CNTNAP2: variants seen among roughly 807,000 people sequenced by gnomAD.
CNTNAP2 encodes contactin associated protein 2.
CNTNAP2 carries 98 observed loss-of-function variants against 155.2 expected under a neutral mutation model. The ratio of observed to expected loss-of-function variants is 0.63; its 90% CI spans 0.54 to 0.75. The LOEUF (loss-of-function observed/expected upper bound fraction) is 0.75. Among genes scored for constraint, CNTNAP2 ranks in the 30% least tolerant of loss-of-function variants. The probability of loss-of-function intolerance (pLI) is 0.00; values close to 1 mark genes in which losing one functional copy is unlikely to be tolerated. For missense variants in CNTNAP2, 1,727 were observed against 1,688.1 expected (o/e 1.02, Z -0.40); for synonymous variants, 651 against 631.2 (o/e 1.03, Z -0.47).
In CNTNAP2 at chr7:147,134,137, C is replaced by T. The variant is rs868551303; in HGVS notation, c.1348+1628C>T. On this transcript the variant is annotated intron_variant, in intron 8 of 23. Transcript: ENST00000361727. ...TCTCCTTGCAGTCTCTGAGCAAATCCGATTTGCTGGTGGGTTTCCATGTAA... is the reference window on the plus strand; with the variant it reads ...TCTCCTTGCAGTCTCTGAGCAAATCTGATTTGCTGGTGGGTTTCCATGTAA... Among the ~76,000 whole-genome samples the T allele has an allele frequency of 3.3e-5, 5 of 151,968 alleles. No homozygotes were observed. The South Asian group carries it at 6.3e-4, about 19-fold the overall frequency.
intron 17 of CNTNAP2, among the ~76,000 whole-genome samples, chr7:148,150,800 G>A (rs1261810876): frequency 1.3e-5 from 2 of 152,036 alleles, no homozygotes; most frequent in Non-Finnish European, 2.9e-5. Context: ...CTGGAGTACA[G>A]TGGCATGATC....
At chr7:147,220,749 C>T (rs567559703) in intron 8 of CNTNAP2, among the ~76,000 whole-genome samples, 1 of 152,092 alleles carries the variant, frequency 6.6e-6, no homozygotes, top group Non-Finnish European at 1.5e-5. Context: ...GAGTCTCACT[C>T]TCTTGCCCAG....
chr7:146,888,126 C>G (rs1451059590), intron 3 of CNTNAP2, among the ~76,000 whole-genome samples: 4 of 152,072 alleles, frequency 2.6e-5, no homozygotes, highest in African/African-American at 4.8e-5. Context: ...CCTCTTCTTA[C>G]TCAAACAGAG....
intron 9 of CNTNAP2, among the ~76,000 whole-genome samples, chr7:147,366,139 C>T (rs576638779): frequency 5.9e-5 from 9 of 152,208 alleles, no homozygotes; most frequent in East Asian, 5.8e-4. Context: ...GCTATTCAGG[C>T]GTGCTGTTCT....
At chr7:147,080,029 T>C (rs1003801915) in intron 4 of CNTNAP2, among the ~76,000 whole-genome samples, 4 of 146,908 alleles carry the variant, frequency 2.7e-5, no homozygotes, top group African/African-American at 1.0e-4. Flanking sequence ...CATAGCCATA[T>C]GCTCTCTTAT....
intron 21 of CNTNAP2, among the ~76,000 whole-genome samples, chr7:148,337,561 T>G (rs543631934): frequency 6.6e-6 from 1 of 152,236 alleles, no homozygotes; most frequent in African/African-American, 2.4e-5. Flanking sequence ...CATTTCCCTC[T>G]GCTACTTTGT....
At chr7:148,334,170 TTGATC>T (rs1185454356) in intron 21 of CNTNAP2, among the ~76,000 whole-genome samples, 1 of 152,198 alleles carries the variant, frequency 6.6e-6, no homozygotes, top group African/African-American at 2.4e-5. Context: ...AGAGTCTAGT[TTGATC>T]TGAGTTGTGT....
At chr7:147,462,789 G>GT (rs1230133858) in intron 10 of CNTNAP2, among the ~76,000 whole-genome samples, 1 of 152,020 alleles carries the variant, frequency 6.6e-6, no homozygotes, top group East Asian at 1.9e-4. Context: ...TTGTTTGTTG[G>GT]TTTTTTTGAG....
At chr7:147,651,409 G>A (rs1460039665) in intron 13 of CNTNAP2, among the ~76,000 whole-genome samples, 2 of 152,208 alleles carry the variant, frequency 1.3e-5, no homozygotes, top group African/African-American at 2.4e-5. Context: ...CTGGAAGAGT[G>A]TTTTTTTGAA....
chr7:148,233,611 A>G (rs1018116521), intron 20 of CNTNAP2, among the ~76,000 whole-genome samples: 2 of 152,226 alleles, frequency 1.3e-5, no homozygotes, highest in African/African-American at 4.8e-5. Flanking sequence ...AGCATACTCC[A>G]CTTATACAAC....
intron 15 of CNTNAP2, among the ~76,000 whole-genome samples, chr7:148,063,218 G>C (rs369780752): frequency 6.6e-6 from 1 of 152,006 alleles, no homozygotes; most frequent in Non-Finnish European, 1.5e-5. Context: ...ATCTGTCATT[G>C]ATATGTTTGC....
At chr7:146,647,350 C>G (rs2129162844) in intron 1 of CNTNAP2, among the ~76,000 whole-genome samples, 1 of 139,464 alleles carries the variant, frequency 7.2e-6, no homozygotes, top group East Asian at 2.2e-4. Context: ...AAAAAATAAT[C>G]TTATATTAGT....
At position 146,151,957 on chromosome 7, in the gene CNTNAP2, G is replaced by T. The variant is rs918824029; in HGVS notation, c.97+34984G>T. Among the ~76,000 whole-genome samples the T allele has an allele frequency of 4.0e-5, 6 of 151,164 alleles. No individual in the cohort carries two copies. In the East Asian group the frequency reaches 5.9e-4, roughly 15 times the overall value. ...AGCCATTGAGGGAAACAGTATGGAG[G>T]TTACTCAGAAAATTAAAAAAAGAAC... On this transcript the variant is annotated intron_variant, in intron 1 of 23. Transcript: ENST00000361727.
chr7:148,259,171 C>T (rs1002841499), intron 20 of CNTNAP2, among the ~76,000 whole-genome samples: 2 of 100,544 alleles, frequency 2.0e-5, no homozygotes, highest in African/African-American at 8.1e-5. Context: ...AAAAGCAAAA[C>T]TCCGTCTTAA....
chr7:146,926,793 G>A (rs935961538), intron 3 of CNTNAP2, among the ~76,000 whole-genome samples: 7 of 151,958 alleles, frequency 4.6e-5, no homozygotes, highest in African/African-American at 7.2e-5. Context: ...AAACAAAAAA[G>A]TAGTTTATCT....
Position 148,267,133 on chromosome 7 carries a change from A to T in CNTNAP2, c.3475+7A>T. 6.2e-7 allele frequency: 1 copy of T among 1,610,880 alleles called. No individual in the cohort carries two copies. ...TTTCTGGGAAAAGTTATAGGTAAGA[A>T]TGTGGTTCGTTAGGTATAAATGCGT... is the stretch of plus-strand genomic sequence containing the variant. On this transcript the variant is annotated splice_region_variant and intron_variant, in intron 21 of 23. Transcript: ENST00000361727.
intron 12 of CNTNAP2, among the ~76,000 whole-genome samples, chr7:147,595,633 A>G (rs1041684349): frequency 2.6e-5 from 4 of 152,192 alleles, no homozygotes; most frequent in African/African-American, 9.6e-5. Context: ...TTACGGCCGT[A>G]TCTCAGTTCT....
intron 12 of CNTNAP2, among the ~76,000 whole-genome samples, chr7:147,574,659 C>A (rs1012924569): frequency 6.6e-6 from 1 of 151,956 alleles, no homozygotes; most frequent in Non-Finnish European, 1.5e-5. Context: ...GGTTTCTGAT[C>A]TGGTTGCCAA....
rs149506328 is a variant in CNTNAP2, at chr7:148,217,384, C to T, written c.3107C>T (p.Ala1036Val). Residue 1036 changes from alanine (A) to valine (V), a missense_variant, in exon 19 of 24, where the codon GCT becomes GTT. Coordinates refer to ENST00000361727, the MANE Select transcript of CNTNAP2 (RefSeq NM_014141.6). Reference sequence around the variant, plus strand: ...GACTCCAGCAGCAGAGTAGACAACGCTCCCGACCAGCAGAACTCCCACCCG... The same window carrying T: ...GACTCCAGCAGCAGAGTAGACAACGTTCCCGACCAGCAGAACTCCCACCCG... ...ARDSSSRVDN[A>V]PDQQNSHPDL... 3 of 1,614,166 alleles carry T rather than the reference C, an allele frequency of 1.9e-6. No homozygotes were observed. The highest frequency in any genetic ancestry group is 1.7e-5 in the Admixed American group (1 of 60,024).
Sources: allele counts gnomAD v4.1 joint callset (sites outside exome capture counted in the v4.1 genomes callset), GRCh38; gene constraint gnomAD v4.1.1; transcripts MANE v1.5; gene names NCBI Gene and HGNC (gene_info 2026-07-23, HGNC 2026-07-21).